HS3ST2: variants seen among roughly 807,000 people sequenced by gnomAD.
HS3ST2 encodes the protein heparan sulfate-glucosamine 3-sulfotransferase 2.
Under a neutral mutation model 26.3 loss-of-function variants are expected in HS3ST2, and 17 were observed. The observed-to-expected ratio is 0.65, with a 90% confidence interval of 0.44 to 0.97. HS3ST2 has a LOEUF of 0.97. HS3ST2 is among the 50% of genes least tolerant of loss of function. The pLI, the probability that HS3ST2 is intolerant of heterozygous loss-of-function variation, is 0.00. For missense variants in HS3ST2, 402 were observed against 501.2 expected (o/e 0.80, Z 1.89); for synonymous variants, 237 against 219.2 (o/e 1.08, Z -0.72).
intron 1 of HS3ST2, among the ~76,000 whole-genome samples, chr16:22,856,037 T>C (rs987031074): frequency 2.0e-5 from 3 of 152,182 alleles, no homozygotes; most frequent in African/African-American, 7.2e-5. Flanking sequence ...ATCATTACTA[T>C]AAGAAGGATG....
chr16:22,912,568 G>A (rs1479891875), intron 1 of HS3ST2, among the ~76,000 whole-genome samples: 1 of 152,202 alleles, frequency 6.6e-6, no homozygotes. Flanking sequence ...TTTTATTGAA[G>A]CAGCAGTGTA....
intron 1 of HS3ST2, among the ~76,000 whole-genome samples, chr16:22,852,894 TTAC>T (rs1254799800): frequency 5.3e-5 from 8 of 152,216 alleles, no homozygotes; most frequent in Non-Finnish European, 1.2e-4. Context: ...TAGGATATTT[TTAC>T]GTAGTCTTGG....
chr16:22,865,561 TA>T (rs998661523), intron 1 of HS3ST2, among the ~76,000 whole-genome samples: 20 of 146,722 alleles, frequency 1.4e-4, no homozygotes, highest in African/African-American at 4.0e-4. Context: ...GTCTAAAAAA[TA>T]AAAAAAAAAG....
At chr16:22,880,077 G>A (rs1901967268) in intron 1 of HS3ST2, among the ~76,000 whole-genome samples, 1 of 152,116 alleles carries the variant, frequency 6.6e-6, no homozygotes, top group Admixed American at 6.5e-5. Context: ...AACCACATGA[G>A]GAAAGACTCA....
intron 1 of HS3ST2, among the ~76,000 whole-genome samples, chr16:22,855,603 C>T (rs749909076): frequency 1.1e-4 from 17 of 152,132 alleles, no homozygotes; most frequent in South Asian, 6.2e-4. Context: ...CCTTTTCAAT[C>T]TCTGATTTTC....
chr16:22,914,761 A>G (rs1304462365), intron 1 of HS3ST2, among the ~76,000 whole-genome samples, 183 bp from the exon 2 acceptor site: 1 of 146,748 alleles, frequency 6.8e-6, no homozygotes, highest in Non-Finnish European at 1.5e-5. Flanking sequence ...AAAAAAAAAA[A>G]AAAGAGAAGA....
chr16:22,818,886 ATTCCTTCC>A (rs1555511260), intron 1 of HS3ST2, among the ~76,000 whole-genome samples: 3 of 654 alleles, frequency 4.6e-3, no homozygotes, highest in African/African-American at 0.029. Flanking sequence ...TCCTTCCTTC[ATTCCTTCC>A]TTCCTTCCTT....
intron 1 of HS3ST2, among the ~76,000 whole-genome samples, chr16:22,839,625 T>G (rs1213401451): frequency 4.6e-5 from 7 of 152,132 alleles, no homozygotes; most frequent in African/African-American, 1.7e-4. Context: ...TGCTTTTTTT[T>G]TTGTTTTTGA....
rs1054130795 is a variant in HS3ST2 at position 22,915,244 on chromosome 16, G to C, written c.786G>C (p.Gln262His). 1 of 1,614,158 alleles carries C rather than the reference G, an allele frequency of 6.2e-7. No homozygotes were observed. Among genetic ancestry groups the C allele is most frequent in the Non-Finnish European group, 8.5e-7 (1 of 1,180,030 alleles). Residue 262 changes from glutamine (Q) to histidine (H), a missense_variant, in exon 2 of 2, where the codon CAG becomes CAC. Gln to His is a conservative substitution (Grantham distance 24, BLOSUM62 0). Around this residue, in one of 2 missense-constraint regions of HS3ST2, gnomAD observed 237 missense variants for 346.6 expected, o/e 0.68. Coordinates refer to ENST00000261374, the MANE Select transcript of HS3ST2 (RefSeq NM_006043.2). ...TGCTGCACCTGGAGAGCTGGCTGCA[G>C]TACTTCCCGCTAGCTCAGATTCACT... is the stretch of plus-strand genomic sequence containing the variant. ...MYVLHLESWL[Q>H]YFPLAQIHFV...
chr16:22,841,664 T>A (rs1901358869), intron 1 of HS3ST2, among the ~76,000 whole-genome samples: 1 of 152,188 alleles, frequency 6.6e-6, no homozygotes, highest in Non-Finnish European at 1.5e-5. Context: ...CAAAACCATA[T>A]CATCATTATT....
intron 1 of HS3ST2, among the ~76,000 whole-genome samples, chr16:22,881,590 G>C (rs1043665778): frequency 2.0e-5 from 3 of 152,174 alleles, no homozygotes; most frequent in Admixed American, 1.3e-4. Flanking sequence ...ACAGGAATGG[G>C]AACAAAGAGG....
chr16:22,894,032 G>A (rs1902171032), intron 1 of HS3ST2, among the ~76,000 whole-genome samples: 1 of 152,066 alleles, frequency 6.6e-6, no homozygotes, highest in African/African-American at 2.4e-5. Context: ...TGTTGCCCAG[G>A]CTGGTCTTGA....
intron 1 of HS3ST2, among the ~76,000 whole-genome samples, chr16:22,860,572 C>G (rs1901660624): frequency 6.6e-6 from 1 of 152,104 alleles, no homozygotes. Flanking sequence ...GGGAAGGAGT[C>G]TGTCTCCCAC....
At position 22,822,817 on chromosome 16, in the gene HS3ST2, T is replaced by C. The variant is rs186628565; in HGVS notation, c.485+7722T>C. Among the ~76,000 whole-genome samples, 127 of 146,910 alleles carry C rather than the reference T, an allele frequency of 8.6e-4. 1 individual carries two copies. Among genetic ancestry groups the C allele is most frequent in the Non-Finnish European group, 1.5e-3 (104 of 67,332 alleles). On this transcript the variant is annotated intron_variant, in intron 1 of 1. Transcript: ENST00000261374. ...TTGCAGTGAGTCAAGATAGCACCAC[T>C]GCATTCCAGCCTGGGCAACAGAGCA...
At chr16:22,877,126 G>C (rs1016500369) in intron 1 of HS3ST2, among the ~76,000 whole-genome samples, 1 of 152,012 alleles carries the variant, frequency 6.6e-6, no homozygotes, top group Non-Finnish European at 1.5e-5. Flanking sequence ...AAAGCTTATT[G>C]AAATACAAAA....
At chr16:22,867,202 G>A (rs750775677) in intron 1 of HS3ST2, among the ~76,000 whole-genome samples, 7 of 152,168 alleles carry the variant, frequency 4.6e-5, no homozygotes, top group Non-Finnish European at 8.8e-5. Flanking sequence ...ATAGTGTTGA[G>A]ACAACTGGCT....
chr16:22,870,578 C>T (rs1040029046), intron 1 of HS3ST2, among the ~76,000 whole-genome samples: 6 of 152,172 alleles, frequency 3.9e-5, no homozygotes, highest in African/African-American at 1.4e-4. Flanking sequence ...GATCTCCTCC[C>T]CTGCTACTCT....
At chr16:22,882,708 G>A (rs1449511552) in intron 1 of HS3ST2, among the ~76,000 whole-genome samples, 1 of 149,342 alleles carries the variant, frequency 6.7e-6, no homozygotes, top group African/African-American at 2.5e-5. Flanking sequence ...TCCAGACTGG[G>A]TGACAGAGTG....
At chr16:22,905,675 A>T (rs1162008716) in intron 1 of HS3ST2, among the ~76,000 whole-genome samples, 2 of 152,176 alleles carry the variant, frequency 1.3e-5, no homozygotes, top group Non-Finnish European at 1.5e-5. Context: ...GCAGTGAATA[A>T]TATAGACAAC....
Sources: gnomAD v4.1 joint callset for allele counts (sites outside exome capture counted in the v4.1 genomes callset) on GRCh38, gnomAD v4.1.1 for gene constraint, gnomAD v4.1.1 regional missense constraint, MANE v1.5 for transcripts, NCBI Gene and HGNC (gene_info 2026-07-23, HGNC 2026-07-21) for gene names.